The following GAS2 variants were observed in gnomAD, a reference collection of about 807,000 sequenced individuals.
The protein encoded by GAS2 is growth arrest specific 2.
Under a neutral mutation model 37.5 loss-of-function variants are expected in GAS2, and 20 were observed. The observed-to-expected ratio is 0.53, with a 90% CI of 0.37 to 0.77. The LOEUF (loss-of-function observed/expected upper bound fraction) is 0.77. GAS2 is among the 30% of genes least tolerant of loss of function. GAS2 has a pLI of 0.00. For synonymous variants in GAS2, 144 were observed against 132.2 expected, an observed-to-expected ratio of 1.09 and a Z score of -0.61; for missense variants, 336 against 373.4, an observed-to-expected ratio of 0.90 and a Z score of 0.82.
At chr11:22,685,537 G>T in intron 2 of GAS2, 131 bp from the exon 3 acceptor site, 1 of 840,802 alleles carries the variant, frequency 1.2e-6, no homozygotes. Context: ...ACTATTTCTG[G>T]TAAGCTCCTA....
In GAS2 at chr11:22,737,705, T is replaced by G. The variant is rs1444799551; in HGVS notation, c.410T>G (p.Val137Gly). 1 of 1,613,986 alleles carries G rather than the reference T, an allele frequency of 6.2e-7. No individual in the cohort carries two copies. The highest frequency in any genetic ancestry group is 1.3e-5 in the African/African-American group (1 of 74,916). ...TGTTCGCCTCTGTCTTGTCTTTCAG[T>G]CCTCCACAAGCAACCCAGAGAAGTG... ...ETCLFESEGLVLHKQPREVCL... is the reference protein window; with the variant it reads ...ETCLFESEGLGLHKQPREVCL... The change falls in exon 5 of 8, where the codon GTC becomes GGC. Residue 137 changes from valine to glycine, a missense_variant and splice_region_variant. Physicochemically the swap from Val to Gly is moderately radical, Grantham distance 109. Coordinates refer to ENST00000454584, the MANE Select transcript of GAS2 (RefSeq NM_001143830.3).
chr11:22,745,872 A>G (rs1853368340), intron 5 of GAS2, among the ~76,000 whole-genome samples: 1 of 152,210 alleles, frequency 6.6e-6, no homozygotes, highest in African/African-American at 2.4e-5. Flanking sequence ...AGAAATGTGA[A>G]TCAAAACCAC....
At chr11:22,660,293 G>A (rs1002295124) in intron 1 of GAS2, among the ~76,000 whole-genome samples, 7 of 152,154 alleles carry the variant, frequency 4.6e-5, no homozygotes, top group Non-Finnish European at 8.8e-5. Context: ...CTCAGAGAAG[G>A]GATGTATAAG....
At chr11:22,630,413 C>G (rs967330908) in intron 1 of GAS2, among the ~76,000 whole-genome samples, 2 of 152,102 alleles carry the variant, frequency 1.3e-5, no homozygotes, top group African/African-American at 2.4e-5. Context: ...GTCTAAAACA[C>G]CAAAAACAAT....
intron 2 of GAS2, among the ~76,000 whole-genome samples, chr11:22,684,354 T>C (rs1849837484): frequency 6.6e-6 from 1 of 152,178 alleles, no homozygotes; most frequent in Non-Finnish European, 1.5e-5. Flanking sequence ...GAGCATGGTA[T>C]GTATTGGAGA....
chr11:22,776,414 C>G (rs1423622778), intron 7 of GAS2, among the ~76,000 whole-genome samples: 1 of 152,062 alleles, frequency 6.6e-6, no homozygotes, highest in East Asian at 1.9e-4. Context: ...ACATTGATCA[C>G]TAAATAAGGA....
At chr11:22,747,402 G>A (rs1204261318) in intron 5 of GAS2, among the ~76,000 whole-genome samples, 8 of 152,102 alleles carry the variant, frequency 5.3e-5, no homozygotes. Flanking sequence ...GGTGCCTACA[G>A]TCTTTTAGCA....
chr11:22,788,204 C>T (rs1386367525), intron 7 of GAS2, among the ~76,000 whole-genome samples: 3 of 152,006 alleles, frequency 2.0e-5, no homozygotes, highest in African/African-American at 7.3e-5. Context: ...AAAGTGACAC[C>T]AAAAGGAGAG....
intron 1 of GAS2, among the ~76,000 whole-genome samples, chr11:22,649,217 A>T (rs1173132009): frequency 6.6e-6 from 1 of 151,988 alleles, no homozygotes; most frequent in East Asian, 1.9e-4. Flanking sequence ...GCTGGATTAC[A>T]TTTATTGATT....
intron 7 of GAS2, among the ~76,000 whole-genome samples, chr11:22,800,189 G>A (rs1391718380): frequency 6.6e-6 from 1 of 152,054 alleles, no homozygotes; most frequent in African/African-American, 2.4e-5. Context: ...GCTATAAAGT[G>A]CTTTGCGAGC....
intron 6 of GAS2, among the ~76,000 whole-genome samples, chr11:22,752,047 T>C (rs1215111323): frequency 6.6e-6 from 1 of 152,056 alleles, no homozygotes; most frequent in Non-Finnish European, 1.5e-5. Flanking sequence ...TCTGTAACTT[T>C]GTCAGCTAGA....
chr11:22,805,568 C>T (rs933806448), intron 7 of GAS2, among the ~76,000 whole-genome samples: 2 of 152,088 alleles, frequency 1.3e-5, no homozygotes, highest in African/African-American at 4.8e-5. Context: ...AACCACCATT[C>T]TTTTCTCTAC....
intron 7 of GAS2, among the ~76,000 whole-genome samples, chr11:22,761,568 A>G (rs907754967): frequency 6.6e-6 from 1 of 152,202 alleles, no homozygotes; most frequent in Admixed American, 6.5e-5. Context: ...GTGTGTTCCC[A>G]AGAATAATAG....
At chr11:22,696,683 C>T (rs1426711165) in intron 3 of GAS2, among the ~76,000 whole-genome samples, 1 of 150,814 alleles carries the variant, frequency 6.6e-6, no homozygotes, top group Non-Finnish European at 1.5e-5. Flanking sequence ...TTGCATTTCT[C>T]TGATGGCCAG....
chr11:22,634,511 A>G (rs1035291710), intron 1 of GAS2, among the ~76,000 whole-genome samples: 10 of 152,110 alleles, frequency 6.6e-5, no homozygotes, highest in African/African-American at 2.4e-4. Flanking sequence ...TAAACTCCCC[A>G]CAAATAGACA....
chr11:22,652,877 G>A (rs575820760), intron 1 of GAS2, among the ~76,000 whole-genome samples: 41 of 152,248 alleles, frequency 2.7e-4, no homozygotes, highest in African/African-American at 3.6e-4. Flanking sequence ...AAAATCACCC[G>A]TCTTCTGCGT....
intron 5 of GAS2, among the ~76,000 whole-genome samples, chr11:22,742,208 T>C (rs1404091661): frequency 6.6e-6 from 1 of 152,146 alleles, no homozygotes; most frequent in African/African-American, 2.4e-5. Flanking sequence ...GATATGATTT[T>C]AGTGGATTCT....
At chr11:22,747,304 A>C (rs987721104) in intron 5 of GAS2, among the ~76,000 whole-genome samples, 6 of 152,172 alleles carry the variant, frequency 3.9e-5, no homozygotes, top group Middle Eastern at 3.2e-3. Flanking sequence ...AGTGATCTCT[A>C]CCACTATGTT....
chr11:22,793,724 A>G (rs1856293051), intron 7 of GAS2, among the ~76,000 whole-genome samples: 2 of 152,220 alleles, frequency 1.3e-5, no homozygotes, highest in African/African-American at 4.8e-5. Context: ...TTTGAGTCCT[A>G]ATTCAGTCAT....
Sources: allele counts gnomAD v4.1 joint callset (sites outside exome capture counted in the v4.1 genomes callset), GRCh38; gene constraint gnomAD v4.1.1; transcripts MANE v1.5; gene names NCBI Gene and HGNC (gene_info 2026-07-23, HGNC 2026-07-21).